PHF21A: variants seen among roughly 807,000 people sequenced by gnomAD.
PHF21A encodes PHD finger protein 21A, also known as BHC80a.
Under a neutral mutation model 82.5 loss-of-function variants are expected in PHF21A, and 11 were observed. That is an observed-to-expected ratio of 0.13 (90% CI 0.08 to 0.22). PHF21A has a LOEUF of 0.22. Among genes scored for constraint, PHF21A ranks in the 10% least tolerant of loss-of-function variants. PHF21A has a pLI of 1.00. For synonymous variants in PHF21A, 297 were observed against 302.8 expected (o/e 0.98, Z 0.20); for missense variants, 579 against 837.8 (o/e 0.69, Z 3.81).
intron 1 of PHF21A, among the ~76,000 whole-genome samples, chr11:46,094,001 A>C (rs1226417240): frequency 6.6e-6 from 1 of 152,356 alleles, no homozygotes; most frequent in East Asian, 1.9e-4. Context: ...AACACCATTA[A>C]GAAAGTGAAA....
intron 12 of PHF21A, 36 bp from the exon 13 acceptor site, chr11:45,949,517 C>T: frequency 6.5e-7 from 1 of 1,526,798 alleles, no homozygotes; most frequent in Non-Finnish European, 9.1e-7. Context: ...AGCAGAGAGG[C>T]ATGGAGAACC....
chr11:45,961,578 C>T (rs1038294130), intron 10 of PHF21A, among the ~76,000 whole-genome samples: 8 of 152,064 alleles, frequency 5.3e-5, no homozygotes, highest in Non-Finnish European at 8.8e-5. Flanking sequence ...TTTATGGTAA[C>T]GTGGCAATTT....
chr11:46,028,550 C>T (rs1251555877), intron 6 of PHF21A, among the ~76,000 whole-genome samples: 3 of 137,360 alleles, frequency 2.2e-5, no homozygotes, highest in African/African-American at 8.0e-5. Flanking sequence ...TAAAATATTA[C>T]TTTATACTTT....
At chr11:45,958,695 C>T (rs1372018371) in intron 10 of PHF21A, among the ~76,000 whole-genome samples, 1 of 151,838 alleles carries the variant, frequency 6.6e-6, no homozygotes, top group African/African-American at 2.4e-5. Flanking sequence ...GTCGGGGGAT[C>T]ACTTGAGTCC....
In PHF21A at chr11:45,949,425, T is replaced by C. The variant is rs1328393960; in HGVS notation, c.1204A>G (p.Ser402Gly). Residue 402 changes from serine to glycine, a missense_variant, in exon 13 of 19, where the codon AGT (serine) becomes GGT (glycine). Around this residue, in one of 3 missense-constraint regions of PHF21A, gnomAD observed 410 missense variants for 642.1 expected, o/e 0.64. Transcript: ENST00000676320. ...KRRTTANPVY[S>G]GAVFEPERKK... Reference sequence around the variant, plus strand: ...ACCTCTGGCTCAAAGACTGCTCCACTGTAGACCGGATTTGCTGTTGTTCTT... The same window carrying C: ...ACCTCTGGCTCAAAGACTGCTCCACCGTAGACCGGATTTGCTGTTGTTCTT... The C allele has an allele frequency of 6.2e-7, 1 of 1,614,218 alleles. No individual in the cohort carries two copies. Among genetic ancestry groups the C allele is most frequent in the Non-Finnish European group, 8.5e-7 (1 of 1,179,996 alleles).
In PHF21A at chr11:46,113,419, G is replaced by GA. The variant is rs556099891; in HGVS notation, c.-237+7515dup. Among the ~76,000 whole-genome samples, 352 of 152,116 alleles carry GA rather than the reference G, an allele frequency of 2.3e-3. 4 individuals carry two copies. The highest frequency in any genetic ancestry group is 3.6e-3 in the Non-Finnish European group (242 of 67,948). On this transcript the variant is annotated intron_variant, in intron 1 of 18. Coordinates refer to ENST00000676320, the MANE Select transcript of PHF21A (RefSeq NM_001352027.3). ...AAAAATCTTACGTAGGAGAAGCACAGAAAAAAATGCTGAAAAAGCAAAAAA... is the reference window on the plus strand; with the variant it reads ...AAAAATCTTACGTAGGAGAAGCACAGAAAAAAAATGCTGAAAAAGCAAAAAA...
chr11:45,969,684 A>G, intron 9 of PHF21A, 131 bp downstream of exon 9: 1 of 635,694 alleles, frequency 1.6e-6, no homozygotes, highest in Non-Finnish European at 2.8e-6. Context: ...ACAGAAATCA[A>G]CAGTCAGAAT....
rs889529072 is a variant in PHF21A at position 45,984,155 on chromosome 11, G to GA, written c.154-4190dup. Among the ~76,000 whole-genome samples the GA allele has an allele frequency of 1.5e-4, 23 of 152,112 alleles. No homozygotes were observed. The South Asian group carries it at 2.1e-3, about 14-fold the overall frequency. ...AAGTTAATGAGAGTTAAAAGAGAGG[G>GA]AAAAAATCAGGGAAATGAAAAAAGA... On this transcript the variant is annotated intron_variant, in intron 6 of 18. Coordinates refer to ENST00000676320, the MANE Select transcript of PHF21A (RefSeq NM_001352027.3).
intron 7 of PHF21A, among the ~76,000 whole-genome samples, chr11:45,973,066 G>T (rs1253541786): frequency 6.6e-6 from 1 of 152,146 alleles, no homozygotes; most frequent in Non-Finnish European, 1.5e-5. Flanking sequence ...CGACAAGAGT[G>T]AGACTTCGTC....
intron 17 of PHF21A, among the ~76,000 whole-genome samples, 170 bp downstream of exon 17, chr11:45,936,324 C>A (rs922471400): frequency 6.6e-6 from 1 of 152,178 alleles, no homozygotes; most frequent in Non-Finnish European, 1.5e-5. Context: ...CAGAAGTTTT[C>A]CACTTTATCC....
At chr11:46,106,353 A>G (rs773888687) in intron 1 of PHF21A, among the ~76,000 whole-genome samples, 1 of 152,236 alleles carries the variant, frequency 6.6e-6, no homozygotes, top group Admixed American at 6.5e-5. Context: ...TCTAACAGCA[A>G]TAATTACAAT....
intron 6 of PHF21A, among the ~76,000 whole-genome samples, chr11:46,013,972 A>T (rs2095464753): frequency 6.6e-6 from 1 of 152,204 alleles, no homozygotes; most frequent in Admixed American, 6.5e-5. Flanking sequence ...CCGTATACTT[A>T]GGCTACGCTA....
intron 6 of PHF21A, among the ~76,000 whole-genome samples, chr11:45,992,874 A>T (rs1027640473): frequency 6.6e-6 from 1 of 152,242 alleles, no homozygotes. Context: ...CCCCTGTCAC[A>T]TAAGACTGAC....
intron 6 of PHF21A, among the ~76,000 whole-genome samples, chr11:46,023,670 TGGAG>T (rs1482147151): frequency 6.6e-6 from 1 of 152,148 alleles, no homozygotes; most frequent in Non-Finnish European, 1.5e-5. Flanking sequence ...AATCACTGAA[TGGAG>T]GCCAGGCGCA....
At chr11:45,963,029 G>A (rs985938517) in intron 10 of PHF21A, among the ~76,000 whole-genome samples, 2 of 152,116 alleles carry the variant, frequency 1.3e-5, no homozygotes, top group Admixed American at 1.3e-4. Flanking sequence ...GACAGGAAAA[G>A]ATGCTTAAGA....
At chr11:46,058,651 GGC>G (rs2096492345) in intron 6 of PHF21A, among the ~76,000 whole-genome samples, 1 of 152,136 alleles carries the variant, frequency 6.6e-6, no homozygotes, top group Non-Finnish European at 1.5e-5. Context: ...TAACATAAAA[GGC>G]TTCAGAAACT....
At chr11:45,939,998 A>G (rs546699747) in intron 15 of PHF21A, among the ~76,000 whole-genome samples, 2 of 152,190 alleles carry the variant, frequency 1.3e-5, no homozygotes, top group African/African-American at 4.8e-5. Context: ...ACAAGAAGCA[A>G]TAATAGAGAG....
At chr11:45,955,795 G>A (rs1485641231) in intron 10 of PHF21A, among the ~76,000 whole-genome samples, 1 of 152,214 alleles carries the variant, frequency 6.6e-6, no homozygotes, top group Non-Finnish European at 1.5e-5. Flanking sequence ...CACGTTGTGA[G>A]CAGCACTATG....
At chr11:46,005,397 A>G (rs1164950057) in intron 6 of PHF21A, among the ~76,000 whole-genome samples, 2 of 152,234 alleles carry the variant, frequency 1.3e-5, no homozygotes, top group Non-Finnish European at 2.9e-5. Flanking sequence ...CAATATATTA[A>G]CGCCTTGTAT....
Sources: allele counts gnomAD v4.1 joint callset (sites outside exome capture counted in the v4.1 genomes callset), GRCh38; gene constraint gnomAD v4.1.1; regional missense constraint gnomAD v4.1.1; transcripts MANE v1.5; gene names NCBI Gene and HGNC (gene_info 2026-07-23, HGNC 2026-07-21).